Variants in PMFBP1 observed in about 807,000 individuals in gnomAD.
The protein encoded by PMFBP1 is polyamine-modulated factor 1-binding protein 1.
Under a neutral mutation model 137.8 loss-of-function variants are expected in PMFBP1, and 131 were observed. That is an observed-to-expected ratio of 0.95 (90% confidence interval 0.82 to 1.10). The LOEUF (loss-of-function observed/expected upper bound fraction) is 1.10. Ranked by LOEUF, PMFBP1 falls within the 50% of genes least tolerant of loss-of-function variation. The probability of loss-of-function intolerance (pLI) is 0.00; values close to 1 mark genes in which losing one functional copy is unlikely to be tolerated. For synonymous variants in PMFBP1, 490 were observed against 450.4 expected (o/e 1.09, Z -1.11); for missense variants, 1,199 against 1,175.4 (o/e 1.02, Z -0.29).
At chr16:72,239,753 G>A in the PMFBP1 span, among the ~76,000 whole-genome samples, 1 of 151,908 alleles carries the variant, frequency 6.6e-6, no homozygotes, top group South Asian at 2.1e-4. Flanking sequence ...TTAGCTGGGT[G>A]TGGTGGCATG....
chr16:72,169,159 T>A (rs1230433556), intron 2 of PMFBP1, among the ~76,000 whole-genome samples: 2 of 152,210 alleles, frequency 1.3e-5, no homozygotes, highest in East Asian at 3.8e-4. Flanking sequence ...TTTGGGATAT[T>A]ATCTTATTTG....
chr16:72,238,130 T>C, the PMFBP1 span, among the ~76,000 whole-genome samples: 12 of 152,230 alleles, frequency 7.9e-5, no homozygotes, highest in African/African-American at 1.4e-4. Context: ...GTCTTTGTGA[T>C]AGAATGATTT....
At chr16:72,189,308 GCCA>G in the PMFBP1 span, among the ~76,000 whole-genome samples, 1 of 152,212 alleles carries the variant, frequency 6.6e-6, no homozygotes, top group African/African-American at 2.4e-5. Context: ...CATGCCCTCA[GCCA>G]CCACATGCTG....
chr16:72,243,654 G>C, the PMFBP1 span, among the ~76,000 whole-genome samples: 6 of 152,252 alleles, frequency 3.9e-5, no homozygotes, highest in South Asian at 6.2e-4. Context: ...GAGGAAGGGA[G>C]ATTCAGCAGG....
At chr16:72,162,803 C>T (rs953718933) in intron 3 of PMFBP1, among the ~76,000 whole-genome samples, 1 of 152,210 alleles carries the variant, frequency 6.6e-6, no homozygotes, top group African/African-American at 2.4e-5. Context: ...ATGGCTTTCC[C>T]TGACTGGGGG....
chr16:72,132,998 A>G lies in PMFBP1; in HGVS notation c.1204-7T>C. The G allele has an allele frequency of 6.2e-7, 1 of 1,613,802 alleles. No homozygotes were observed. The highest frequency in any genetic ancestry group is 8.5e-7 in the Non-Finnish European group (1 of 1,179,924). Reference sequence around the variant, plus strand: ...CATCTTTCTCTTGGAGGAACTGAAGACAGCAAAATGCAAATGCTGGGAAAG... The same window carrying G: ...CATCTTTCTCTTGGAGGAACTGAAGGCAGCAAAATGCAAATGCTGGGAAAG... On this transcript the variant is annotated splice_polypyrimidine_tract_variant and splice_region_variant and intron_variant, in intron 9 of 20. Coordinates refer to ENST00000237353, the MANE Select transcript of PMFBP1 (RefSeq NM_031293.3).
chr16:72,244,785 G>C, the PMFBP1 span, among the ~76,000 whole-genome samples: 3 of 152,276 alleles, frequency 2.0e-5, no homozygotes, highest in Middle Eastern at 3.4e-3. Context: ...ATTTCTTCCA[G>C]TGCAACAAAT....
At position 72,130,319 on chromosome 16, in the gene PMFBP1, G is replaced by A. The variant is rs2042529612; in HGVS notation, c.1676C>T (p.Ala559Val). The A allele has an allele frequency of 1.9e-6, 3 of 1,614,072 alleles. 1 individual carries two copies. Among genetic ancestry groups the A allele is most frequent in the South Asian group, 2.2e-5 (2 of 91,084 alleles). The change falls in exon 12 of 21, where the codon GCC becomes GTC. Residue 559 changes from alanine to valine, a missense_variant. Physicochemically the swap from Ala to Val is moderately conservative, Grantham distance 64 (BLOSUM62 0). Transcript: ENST00000237353. Reference sequence around the variant, plus strand: ...GTCTGAATTTTCAAGCTTCCTCAGGGCTTCAGAGAGTTCTAATGACAGCTC... The same window carrying A: ...GTCTGAATTTTCAAGCTTCCTCAGGACTTCAGAGAGTTCTAATGACAGCTC... ...VEELSLELSE[A>V]LRKLENSDKE...
chr16:72,212,236 G>A, the PMFBP1 span, among the ~76,000 whole-genome samples: 1 of 151,904 alleles, frequency 6.6e-6, no homozygotes, highest in African/African-American at 2.4e-5. Flanking sequence ...TAGAAGAAAG[G>A]ACTACGGGGA....
At chr16:72,119,059 G>T, downstream of PMFBP1, 1 of 383,650 alleles carries the variant, frequency 2.6e-6, no homozygotes. Context: ...TTGCGGGGCA[G>T]AAATGTCTGC....
intron 2 of PMFBP1, among the ~76,000 whole-genome samples, chr16:72,167,301 T>C (rs17667675): frequency 0.094 from 14,303 of 152,274 alleles, 776 homozygotes; most frequent in Non-Finnish European, 0.12. Flanking sequence ...GACTTTTTTT[T>C]TTAACCACTT....
chr16:72,126,770 C>T (rs997750985), intron 14 of PMFBP1, among the ~76,000 whole-genome samples: 3 of 152,178 alleles, frequency 2.0e-5, no homozygotes, highest in African/African-American at 4.8e-5. Context: ...TTTTCAACAT[C>T]GTAATGAGTA....
chr16:72,215,354 CAGAG>C, the PMFBP1 span, among the ~76,000 whole-genome samples: 2 of 145,026 alleles, frequency 1.4e-5, no homozygotes, highest in Non-Finnish European at 3.0e-5. Flanking sequence ...TAAATGCTTC[CAGAG>C]AGAGAGAGAG....
At chr16:72,189,581 C>T in the PMFBP1 span, among the ~76,000 whole-genome samples, 1 of 152,186 alleles carries the variant, frequency 6.6e-6, no homozygotes, top group Non-Finnish European at 1.5e-5. Flanking sequence ...TAAATTACGG[C>T]AGAGTCCACA....
intron 10 of PMFBP1, 122 bp from the exon 11 acceptor site, chr16:72,130,844 C>T (rs1384827027): frequency 1.2e-6 from 1 of 814,136 alleles, no homozygotes; most frequent in Admixed American, 2.9e-5. Context: ...AGTCTGTCCT[C>T]ATTTCTCTCC....
chr16:72,206,863 C>T, the PMFBP1 span, among the ~76,000 whole-genome samples: 4 of 152,296 alleles, frequency 2.6e-5, no homozygotes, highest in South Asian at 2.1e-4. Context: ...CCAGACTGCA[C>T]GTGATCTCAA....
chr16:72,134,546 C>T (rs150214091), intron 9 of PMFBP1, among the ~76,000 whole-genome samples: 142 of 152,328 alleles, frequency 9.3e-4, no homozygotes, highest in Non-Finnish European at 1.6e-3. Context: ...CCTCCACTGG[C>T]TTCCATCTCT....
chr16:72,209,752 C>T, the PMFBP1 span, among the ~76,000 whole-genome samples: 1 of 152,198 alleles, frequency 6.6e-6, no homozygotes, highest in East Asian at 1.9e-4. Context: ...GTTGACCACA[C>T]ACAAGCTGGG....
the PMFBP1 span, among the ~76,000 whole-genome samples, chr16:72,190,684 G>T: frequency 0.12 from 19,002 of 152,020 alleles, 1,621 homozygotes; most frequent in South Asian, 0.18. Flanking sequence ...AGAGAGAGGT[G>T]GGGTTGGGGA....
Sources: allele counts gnomAD v4.1 joint callset (sites outside exome capture counted in the v4.1 genomes callset), GRCh38; gene constraint gnomAD v4.1.1; transcripts MANE v1.5; gene names NCBI Gene and HGNC (gene_info 2026-07-23, HGNC 2026-07-21).